Variants in RXFP2 observed in about 807,000 individuals in gnomAD.
The protein encoded by RXFP2 is relaxin family peptide receptor 2.
Under a neutral mutation model 88.6 loss-of-function variants are expected in RXFP2, and 68 were observed. That is an observed-to-expected ratio of 0.77 (90% confidence interval 0.63 to 0.94). The LOEUF (loss-of-function observed/expected upper bound fraction) is 0.94. Ranked by LOEUF, RXFP2 falls within the 40% of genes least tolerant of loss-of-function variation. The pLI is 0.00. For missense variants in RXFP2, 791 were observed against 893.9 expected (o/e 0.88, Z 1.47); for synonymous variants, 329 against 306.8 (o/e 1.07, Z -0.76).
intron 5 of RXFP2, among the ~76,000 whole-genome samples, chr13:31,766,361 A>G (rs1174297212): frequency 6.6e-6 from 1 of 152,190 alleles, no homozygotes; most frequent in Non-Finnish European, 1.5e-5. Flanking sequence ...ACTTGAAAAA[A>G]AAAGAGTGAC....
At chr13:31,745,223 C>T (rs992022162) in intron 1 of RXFP2, among the ~76,000 whole-genome samples, 3 of 150,768 alleles carry the variant, frequency 2.0e-5, no homozygotes, top group Non-Finnish European at 1.5e-5. Flanking sequence ...CCCCTTTTTG[C>T]GGAGCCCTGG....
chr13:31,761,622 C>G (rs932377502), intron 2 of RXFP2, 102 bp from the exon 3 acceptor site: 1 of 759,754 alleles, frequency 1.3e-6, no homozygotes, highest in Non-Finnish European at 2.3e-6. Flanking sequence ...AATTCTATTA[C>G]TTAAACATAT....
intron 17 of RXFP2, among the ~76,000 whole-genome samples, chr13:31,798,497 G>A (rs1423636413): frequency 6.6e-6 from 1 of 152,164 alleles, no homozygotes; most frequent in Non-Finnish European, 1.5e-5. Context: ...CCAGTTGCAC[G>A]TGAAGAACAG....
intron 16 of RXFP2, among the ~76,000 whole-genome samples, chr13:31,794,926 T>C (rs1170275341): frequency 2.6e-5 from 4 of 152,072 alleles, no homozygotes; most frequent in Non-Finnish European, 5.9e-5. Flanking sequence ...AAAATCATCA[T>C]CATCATCAAT....
chr13:31,767,974 G>A (rs1872609854), intron 5 of RXFP2, among the ~76,000 whole-genome samples: 1 of 152,076 alleles, frequency 6.6e-6, no homozygotes, highest in Non-Finnish European at 1.5e-5. Flanking sequence ...TCCTTCCTTG[G>A]TCTATTAACT....
chr13:31,792,547 A>T (rs1873844671), intron 15 of RXFP2, 131 bp from the exon 16 acceptor site: 1 of 843,420 alleles, frequency 1.2e-6, no homozygotes, highest in South Asian at 1.5e-5. Context: ...TGTTTACATT[A>T]GTTCATTTGA....
At chr13:31,784,414 C>A (rs577892393) in intron 11 of RXFP2, among the ~76,000 whole-genome samples, 36 of 152,340 alleles carry the variant, frequency 2.4e-4, no homozygotes, top group African/African-American at 8.7e-4. Context: ...TTCATGGCAA[C>A]AAACCCATCC....
At chr13:31,751,962 T>C (rs2138392672) in intron 1 of RXFP2, among the ~76,000 whole-genome samples, 1 of 152,318 alleles carries the variant, frequency 6.6e-6, no homozygotes, top group African/African-American at 2.4e-5. Flanking sequence ...GGTGGAGTTT[T>C]GGCAGTTTAC....
At chr13:31,793,232 A>T in intron 16 of RXFP2, 144 bp downstream of exon 16, 3 of 709,002 alleles carry the variant, frequency 4.2e-6, no homozygotes, top group Non-Finnish European at 6.9e-6. Context: ...AGTTTTTACT[A>T]TTGTGTTTAT....
intron 1 of RXFP2, among the ~76,000 whole-genome samples, chr13:31,745,920 C>A (rs560754464): frequency 2.0e-5 from 3 of 152,132 alleles, no homozygotes; most frequent in Non-Finnish European, 4.4e-5. Flanking sequence ...GCTACACAAA[C>A]GTTAAGAGAT....
intron 9 of RXFP2, among the ~76,000 whole-genome samples, chr13:31,779,364 G>A (rs750685742): frequency 1.3e-5 from 2 of 152,034 alleles, no homozygotes; most frequent in Non-Finnish European, 2.9e-5. Context: ...GACCTCAGGT[G>A]ATCCACCCTC....
chr13:31,792,615 A>G, intron 15 of RXFP2, 63 bp from the exon 16 acceptor site: 1 of 1,489,990 alleles, frequency 6.7e-7, no homozygotes, highest in Admixed American at 1.7e-5. Flanking sequence ...AATAGACTTA[A>G]TCAGAAAACT....
intron 14 of RXFP2, among the ~76,000 whole-genome samples, chr13:31,790,753 G>T (rs934075108): frequency 7.2e-5 from 11 of 152,168 alleles, no homozygotes; most frequent in Non-Finnish European, 1.5e-4. Context: ...CACTGAGGTG[G>T]GGTGGATGGA....
At chr13:31,795,630 A>G (rs760214771) in intron 16 of RXFP2, among the ~76,000 whole-genome samples, 3 of 152,250 alleles carry the variant, frequency 2.0e-5, no homozygotes, top group Non-Finnish European at 4.4e-5. Context: ...TGAATACGAA[A>G]TGATTTGGAT....
At chr13:31,743,201 G>T (rs1025817853) in intron 1 of RXFP2, among the ~76,000 whole-genome samples, 1 of 152,124 alleles carries the variant, frequency 6.6e-6, no homozygotes. Context: ...GAGGCCATAC[G>T]CAGTGGCTCA....
chr13:31,778,669 C>T (rs1012071027), intron 9 of RXFP2, 86 bp downstream of exon 9: 8 of 959,492 alleles, frequency 8.3e-6, no homozygotes, highest in Non-Finnish European at 1.2e-5. Context: ...CCTAGAAAGT[C>T]CATCTATAAT....
At position 31,744,594 on chromosome 13, in the gene RXFP2, A is replaced by G. The variant is rs374359705; in HGVS notation, c.94+4888A>G. Reference sequence around the variant, plus strand: ...ATTATTCTCGAGTGGCATAATGGCTATTTTATTTGCCCAAGGAAATTCAGT... The same window carrying G: ...ATTATTCTCGAGTGGCATAATGGCTGTTTTATTTGCCCAAGGAAATTCAGT... On this transcript the variant is annotated intron_variant, in intron 1 of 17. Coordinates refer to ENST00000298386, the MANE Select transcript of RXFP2 (RefSeq NM_130806.5). 3.9e-3 allele frequency among the ~76,000 whole-genome samples: 594 copies of G among 152,278 alleles called. 7 individuals carry two copies. Among genetic ancestry groups the G allele is most frequent in the African/African-American group, 0.014 (564 of 41,566 alleles).
At chr13:31,746,940 A>G (rs1020509902) in intron 1 of RXFP2, among the ~76,000 whole-genome samples, 46 of 152,190 alleles carry the variant, frequency 3.0e-4, no homozygotes, top group African/African-American at 1.0e-3. Context: ...ATAGTTATGT[A>G]AACTTTCTTA....
chr13:31,747,359 T>G lies in RXFP2; in HGVS notation c.94+7653T>G, dbSNP rs532464852. Among the ~76,000 whole-genome samples, 6 of 152,186 alleles carry G rather than the reference T, an allele frequency of 3.9e-5. No homozygotes were observed. In the South Asian group the frequency reaches 1.2e-3, roughly 32 times the overall value. ...AAACAGAAGATGTTGCCAAGCAAGT[T>G]TTTCACTTAAAAAAACTGAACCATT... is the stretch of plus-strand genomic sequence containing the variant. On this transcript the variant is annotated intron_variant, in intron 1 of 17. Transcript: ENST00000298386.
Sources: gnomAD v4.1 joint callset for allele counts (sites outside exome capture counted in the v4.1 genomes callset) on GRCh38, gnomAD v4.1.1 for gene constraint, MANE v1.5 for transcripts, NCBI Gene and HGNC (gene_info 2026-07-23, HGNC 2026-07-21) for gene names.